Variants in COG2 observed in about 807,000 individuals in gnomAD.
COG2 encodes the protein conserved oligomeric Golgi complex subunit 2.
Under a neutral mutation model 90.6 loss-of-function variants are expected in COG2, and 52 were observed. The observed-to-expected ratio is 0.57, with a 90% CI of 0.46 to 0.72. COG2 has a LOEUF of 0.72. COG2 is among the 30% of genes least tolerant of loss of function. COG2 has a pLI of 0.00. For synonymous variants in COG2, 337 were observed against 320.4 expected (o/e 1.05, Z -0.55); for missense variants, 829 against 891.2 (o/e 0.93, Z 0.89).
At position 230,663,224 on chromosome 1, in the gene COG2, A is replaced by T. The variant is rs746748785; in HGVS notation, c.381+3A>T. 1.9e-6 allele frequency: 3 copies of T among 1,605,624 alleles called. No homozygotes were observed. On this transcript the variant is annotated splice_donor_region_variant and intron_variant, in intron 4 of 17. Transcript: ENST00000366669. ...AAGAGGACATTAGGAAAAAAAAGGT[A>T]TACTCAAATATTACAATATTAAATC...
At chr1:230,670,198 T>G (rs1228697163) in intron 7 of COG2, 2 of 152,268 alleles carry the variant, frequency 1.3e-5, no homozygotes, top group South Asian at 2.1e-4. Context: ...ATCCCACTTC[T>G]GAGCAGCCAG....
intron 15 of COG2, 21 bp from the exon 16 acceptor site, chr1:230,689,993 C>G (rs1255779719): frequency 1.3e-6 from 2 of 1,560,706 alleles, no homozygotes; most frequent in Non-Finnish European, 1.7e-6. Context: ...GCATCTTTAT[C>G]TCCTACCATC....
chr1:230,679,085 C>T (rs1168800267), intron 10 of COG2, 33 bp downstream of exon 10: 2 of 1,591,402 alleles, frequency 1.3e-6, no homozygotes, highest in African/African-American at 1.3e-5. Flanking sequence ...CCGCCCCGCA[C>T]CCTTCTAAAA....
At chr1:230,685,835 G>C (rs1662871965) in intron 12 of COG2, among the ~76,000 whole-genome samples, 1 of 152,152 alleles carries the variant, frequency 6.6e-6, no homozygotes, top group African/African-American at 2.4e-5. Context: ...TGGGACCTCG[G>C]ATTGCAGTGC....
At chr1:230,673,420 T>A (rs1347120287) in intron 8 of COG2, among the ~76,000 whole-genome samples, 2 of 152,228 alleles carry the variant, frequency 1.3e-5, no homozygotes, top group African/African-American at 4.8e-5. Context: ...TGTGCCACCC[T>A]TCATGAGCTT....
In COG2 at chr1:230,691,386, A is replaced by G. The variant is rs1294250393; in HGVS notation, c.1937A>G (p.Tyr646Cys). Reference protein sequence around the residue: ...EGTLSESTHKYYETVSDVLNS... With the variant: ...EGTLSESTHKCYETVSDVLNS... ...AATAAACGTGTCTTCTATTCAAGGTACTATGAAACCGTGTCAGATGTATTA... is the reference window on the plus strand; with the variant it reads ...AATAAACGTGTCTTCTATTCAAGGTGCTATGAAACCGTGTCAGATGTATTA... The change falls in exon 17 of 18, where the codon TAC becomes TGC. Residue 646 changes from tyrosine (Y) to cysteine (C), a missense_variant and splice_region_variant. Coordinates refer to ENST00000366669, the MANE Select transcript of COG2 (RefSeq NM_007357.3). The G allele has an allele frequency of 6.2e-7, 1 of 1,610,810 alleles. No individual in the cohort carries two copies. Among genetic ancestry groups the G allele is most frequent in the African/African-American group, 1.3e-5 (1 of 74,720 alleles).
At chr1:230,651,285 A>G (rs1661908672) in intron 1 of COG2, among the ~76,000 whole-genome samples, 1 of 152,144 alleles carries the variant, frequency 6.6e-6, no homozygotes, top group Non-Finnish European at 1.5e-5. Flanking sequence ...TTTGACGTTC[A>G]GCATGGGGCA....
intron 17 of COG2, among the ~76,000 whole-genome samples, chr1:230,692,933 G>A (rs1663072443): frequency 1.3e-5 from 2 of 152,132 alleles, no homozygotes; most frequent in Non-Finnish European, 2.9e-5. Flanking sequence ...AAGAAACTAA[G>A]AGCACAGACC....
At position 230,659,466 on chromosome 1, in the gene COG2, A is replaced by C. The variant is rs775161842; in HGVS notation, c.75A>C (p.Glu25Asp). ...LCFDKDEFMK[E>D]DFDVDHFVSD... ...TCTTCTCTGGTTTTATTTTTCAGGA[A>C]GATTTCGATGTCGATCATTTTGTGT... The change falls in exon 2 of 18, where the codon GAA becomes GAC. Residue 25 changes from glutamate to aspartate, a missense_variant and splice_region_variant. Physicochemically the swap from Glu to Asp is conservative, Grantham distance 45. Transcript: ENST00000366669. The C allele has an allele frequency of 2.5e-6, 4 of 1,613,056 alleles. No individual in the cohort carries two copies. The highest frequency in any genetic ancestry group is 3.4e-6 in the Non-Finnish European group (4 of 1,179,414).
At chr1:230,652,236 A>G (rs755628875) in intron 1 of COG2, among the ~76,000 whole-genome samples, 2 of 152,126 alleles carry the variant, frequency 1.3e-5, no homozygotes, top group Non-Finnish European at 2.9e-5. Context: ...CCAGGCAACT[A>G]CGGATCTCTT....
Position 230,660,807 on chromosome 1 carries a change from T to A in COG2, c.284T>A (p.Leu95Ter). 1 of 1,588,150 alleles carries A rather than the reference T, an allele frequency of 6.3e-7. No homozygotes were observed. Among genetic ancestry groups the A allele is most frequent in the Non-Finnish European group, 8.6e-7 (1 of 1,168,592 alleles). ...LNQLSVPLGQ[L>*]REEVLSLRSS... Reference sequence around the variant, plus strand: ...CAGCTTTCTGTGCCTTTGGGACAATTACGAGAAGAGGTTCTGGTAAGTTTC... The same window carrying A: ...CAGCTTTCTGTGCCTTTGGGACAATAACGAGAAGAGGTTCTGGTAAGTTTC... The change falls in exon 3 of 18, where the codon TTA becomes TAA. Residue 95 changes from leucine to a stop codon, truncating the protein, a stop_gained. Coordinates refer to ENST00000366669, the MANE Select transcript of COG2 (RefSeq NM_007357.3). LOFTEE classifies it high-confidence loss of function.
intron 1 of COG2, among the ~76,000 whole-genome samples, chr1:230,647,272 G>A (rs956037132): frequency 6.6e-6 from 1 of 152,152 alleles, no homozygotes; most frequent in African/African-American, 2.4e-5. Flanking sequence ...ACTATCTGTG[G>A]TTTCAGGCAT....
Position 230,693,399 on chromosome 1 carries a change from T to A in COG2, c.*6T>A. On this transcript the variant is annotated 3_prime_UTR_variant, in exon 18 of 18. Coordinates refer to ENST00000366669, the MANE Select transcript of COG2 (RefSeq NM_007357.3). Reference sequence around the variant, plus strand: ...CAACAGCAGAGCAGCCTTAAGCATCTTGGAAGATCCCGAGGTTAGATTCTT... The same window carrying A: ...CAACAGCAGAGCAGCCTTAAGCATCATGGAAGATCCCGAGGTTAGATTCTT... 1 of 1,576,320 alleles carries A rather than the reference T, an allele frequency of 6.3e-7. No individual in the cohort carries two copies. The highest frequency in any genetic ancestry group is 8.7e-7 in the Non-Finnish European group (1 of 1,150,666).
chr1:230,687,119 A>G lies in COG2; in HGVS notation c.1565A>G (p.Lys522Arg), dbSNP rs570696606. 28 of 1,610,408 alleles carry G rather than the reference A, an allele frequency of 1.7e-5. No individual in the cohort carries two copies. In the East Asian group the frequency reaches 6.2e-4, roughly 36 times the overall value. Reference sequence around the variant, plus strand: ...GTGTATGTGGTTGCAGACCTGGACAAGCTTCAGGAGCAGGTAAGCCTGTGT... The same window carrying G: ...GTGTATGTGGTTGCAGACCTGGACAGGCTTCAGGAGCAGGTAAGCCTGTGT... ...QLVYVVADLD[K>R]LQEQLPELLE... is the part of the protein sequence containing the mutation. The change falls in exon 13 of 18, where the codon AAG (lysine) becomes AGG (arginine). Residue 522 changes from lysine to arginine, a missense_variant. Lys to Arg is a conservative substitution (Grantham distance 26). Coordinates refer to ENST00000366669, the MANE Select transcript of COG2 (RefSeq NM_007357.3).
intron 1 of COG2, 113 bp from the exon 2 acceptor site, chr1:230,659,351 C>T: frequency 2.4e-6 from 2 of 840,448 alleles, no homozygotes; most frequent in East Asian, 2.5e-5. Flanking sequence ...CCTGCAGCAG[C>T]ATGGCCTTGT....
chr1:230,682,537 C>A (rs1662776413), intron 10 of COG2: 1 of 152,232 alleles, frequency 6.6e-6, no homozygotes, highest in South Asian at 2.1e-4. Flanking sequence ...GGAAACCAGC[C>A]AGCTACAATG....
intron 12 of COG2, among the ~76,000 whole-genome samples, 176 bp downstream of exon 12, chr1:230,685,412 C>A (rs771424048): frequency 5.3e-5 from 8 of 152,122 alleles, no homozygotes; most frequent in African/African-American, 1.4e-4. Flanking sequence ...TTTACTCCTG[C>A]GAGCATTGCA....
At chr1:230,652,755 T>C (rs6659928) in intron 1 of COG2, among the ~76,000 whole-genome samples, 15,518 of 152,254 alleles carry the variant, frequency 0.1, 958 homozygotes, top group Non-Finnish European at 0.14. Flanking sequence ...CTTGTTTTAA[T>C]TTGCAGTTCC....
chr1:230,646,386 G>A (rs1307023214), intron 1 of COG2, among the ~76,000 whole-genome samples: 1 of 151,982 alleles, frequency 6.6e-6, no homozygotes, highest in Non-Finnish European at 1.5e-5. Context: ...CTGAAACCTG[G>A]TGCTTTCTGG....
Sources: allele counts gnomAD v4.1 joint callset (sites outside exome capture counted in the v4.1 genomes callset), GRCh38; gene constraint gnomAD v4.1.1; transcripts MANE v1.5; gene names NCBI Gene and HGNC (gene_info 2026-07-23, HGNC 2026-07-21).